The following CNTN4 variants were observed in gnomAD, a reference collection of about 807,000 sequenced individuals.
The protein encoded by CNTN4 is contactin 4.
Under a neutral mutation model 122.5 loss-of-function variants are expected in CNTN4, and 77 were observed. The observed-to-expected ratio is 0.63, with a 90% CI of 0.52 to 0.76. CNTN4 has a LOEUF of 0.76. CNTN4 is among the 30% of genes least tolerant of loss of function. CNTN4 has a pLI of 0.00. For missense variants in CNTN4, 1,256 were observed against 1,259.1 expected (o/e 1.00, Z 0.04); for synonymous variants, 512 against 447.0 (o/e 1.15, Z -1.83).
intron 3 of CNTN4, among the ~76,000 whole-genome samples, chr3:2,493,330 G>A (rs763954664): frequency 4.6e-5 from 7 of 151,846 alleles, no homozygotes; most frequent in Admixed American, 1.3e-4. Context: ...AAGAGTTTAC[G>A]TATCAGAAAA....
At chr3:2,851,823 A>G (rs2093555249) in intron 7 of CNTN4, among the ~76,000 whole-genome samples, 1 of 152,214 alleles carries the variant, frequency 6.6e-6, no homozygotes, top group Non-Finnish European at 1.5e-5. Context: ...GGGTTTCAGT[A>G]CTGCCCTAAT....
intron 13 of CNTN4, among the ~76,000 whole-genome samples, chr3:2,976,613 TA>T (rs1337934031): frequency 6.6e-6 from 1 of 152,202 alleles, no homozygotes; most frequent in Admixed American, 6.5e-5. Flanking sequence ...TTATCCAAAA[TA>T]CCTTTTTTTC....
At chr3:2,212,974 T>C (rs2038686010) in intron 2 of CNTN4, among the ~76,000 whole-genome samples, 1 of 151,922 alleles carries the variant, frequency 6.6e-6, no homozygotes, top group Non-Finnish European at 1.5e-5. Flanking sequence ...ATGATATTAA[T>C]GTGGATTTTT....
intron 2 of CNTN4, among the ~76,000 whole-genome samples, chr3:2,133,400 C>A (rs1487109964): frequency 6.6e-6 from 1 of 152,022 alleles, no homozygotes; most frequent in Non-Finnish European, 1.5e-5. Context: ...CATGGAGGTG[C>A]CTTTTATGGC....
chr3:2,311,146 A>T (rs1432755563), intron 2 of CNTN4, among the ~76,000 whole-genome samples: 1 of 152,088 alleles, frequency 6.6e-6, no homozygotes, highest in Non-Finnish European at 1.5e-5. Context: ...GACAAAATTC[A>T]ATGAATTTCT....
chr3:2,486,572 C>T (rs1239606315), intron 3 of CNTN4, among the ~76,000 whole-genome samples: 10 of 152,210 alleles, frequency 6.6e-5, no homozygotes, highest in East Asian at 1.9e-4. Context: ...TGTTACCCCC[C>T]GGATTCATAG....
chr3:2,415,914 G>A (rs1269961098), intron 3 of CNTN4, among the ~76,000 whole-genome samples: 1 of 152,032 alleles, frequency 6.6e-6, no homozygotes, highest in Non-Finnish European at 1.5e-5. Context: ...AATAACCAAA[G>A]TTATAACCTA....
chr3:2,746,550 A>G lies in CNTN4; in HGVS notation c.358+853A>G, dbSNP rs371761498. ...GGTTTATGTATTTGCATGTGATTAT[A>G]TATTTCCTTGTGTGAAATCCCAACT... On this transcript the variant is annotated intron_variant, in intron 6 of 24. Transcript: ENST00000418658. Among the ~76,000 whole-genome samples the G allele has an allele frequency of 8.5e-5, 13 of 152,358 alleles. 1 individual carries two copies. The highest frequency in any genetic ancestry group is 4.1e-4 in the South Asian group (2 of 4,832).
At chr3:3,038,341 C>A (rs1446210336) in intron 18 of CNTN4, among the ~76,000 whole-genome samples, 1 of 152,070 alleles carries the variant, frequency 6.6e-6, no homozygotes, top group African/African-American at 2.4e-5. Flanking sequence ...CTCAGTGAGC[C>A]GGGGGTCAAC....
intron 4 of CNTN4, among the ~76,000 whole-genome samples, chr3:2,706,958 A>T (rs2149305943): frequency 6.6e-6 from 1 of 152,038 alleles, no homozygotes; most frequent in South Asian, 2.1e-4. Flanking sequence ...TGGCATGGGG[A>T]AGCACTAGAT....
chr3:2,167,823 G>A (rs756014408), intron 2 of CNTN4, among the ~76,000 whole-genome samples: 9 of 152,154 alleles, frequency 5.9e-5, no homozygotes, highest in South Asian at 2.1e-4. Context: ...CCCTTTCCTC[G>A]TTTGAGAACC....
intron 3 of CNTN4, among the ~76,000 whole-genome samples, chr3:2,430,508 A>G (rs1258259207): frequency 6.6e-6 from 1 of 150,464 alleles, no homozygotes; most frequent in African/African-American, 2.4e-5. Flanking sequence ...AGCTGTTCCT[A>G]GTCGGCCATC....
At chr3:2,588,418 G>A (rs961105382) in intron 4 of CNTN4, among the ~76,000 whole-genome samples, 1 of 152,136 alleles carries the variant, frequency 6.6e-6, no homozygotes, top group African/African-American at 2.4e-5. Context: ...CTGGGCTGGA[G>A]TGCAGTGGTG....
chr3:2,195,620 C>T (rs934104813), intron 2 of CNTN4, among the ~76,000 whole-genome samples: 5 of 152,182 alleles, frequency 3.3e-5, no homozygotes, highest in African/African-American at 9.7e-5. Flanking sequence ...GTTACCTACA[C>T]AGGAAGAGAA....
chr3:2,245,767 A>G (rs2040120988), intron 2 of CNTN4, among the ~76,000 whole-genome samples: 1 of 152,072 alleles, frequency 6.6e-6, no homozygotes, highest in Non-Finnish European at 1.5e-5. Flanking sequence ...GTCACATGTT[A>G]TGAAAAATTA....
At chr3:2,368,085 T>G (rs976701150) in intron 3 of CNTN4, among the ~76,000 whole-genome samples, 3 of 142,026 alleles carry the variant, frequency 2.1e-5, no homozygotes, top group Admixed American at 7.5e-5. Flanking sequence ...CAGGCTGGAG[T>G]GCAGTGGCGC....
chr3:2,803,064 C>T (rs2092385732), intron 6 of CNTN4, among the ~76,000 whole-genome samples: 1 of 151,938 alleles, frequency 6.6e-6, no homozygotes, highest in Non-Finnish European at 1.5e-5. Context: ...TAGAGGTTCC[C>T]AAGTGAATGA....
intron 12 of CNTN4, among the ~76,000 whole-genome samples, chr3:2,907,426 A>G (rs936902899): frequency 6.6e-6 from 1 of 152,120 alleles, no homozygotes; most frequent in African/African-American, 2.4e-5. Context: ...TACAAAAATC[A>G]GCTGGACATG....
intron 7 of CNTN4, among the ~76,000 whole-genome samples, chr3:2,845,302 C>T (rs185460901): frequency 1.4e-3 from 211 of 151,992 alleles, no homozygotes; most frequent in Non-Finnish European, 2.4e-3. Flanking sequence ...GCATGATGAA[C>T]GTAGCTTATG....
Sources: gnomAD v4.1 joint callset for allele counts (sites outside exome capture counted in the v4.1 genomes callset) on GRCh38, gnomAD v4.1.1 for gene constraint, MANE v1.5 for transcripts, NCBI Gene and HGNC (gene_info 2026-07-23, HGNC 2026-07-21) for gene names.